The following BNC2 variants were observed in gnomAD, a reference collection of about 807,000 sequenced individuals.
BNC2 encodes zinc finger protein basonuclin-2.
A neutral mutation model predicts 76.3 loss-of-function variants in BNC2; 20 were observed. The ratio of observed to expected loss-of-function variants is 0.26; its 90% CI spans 0.18 to 0.38. BNC2 has a LOEUF of 0.38. Among genes scored for constraint, BNC2 ranks in the 10% least tolerant of loss-of-function variants. The pLI, the probability that BNC2 is intolerant of heterozygous loss-of-function variation, is 1.00. For missense variants in BNC2, 1,382 were observed against 1,399.8 expected, an observed-to-expected ratio of 0.99 and a Z score of 0.20; for synonymous variants, 582 against 514.8, an observed-to-expected ratio of 1.13 and a Z score of -1.77.
At chr9:16,670,686 G>A (rs1462519781) in intron 3 of BNC2, among the ~76,000 whole-genome samples, 1 of 152,152 alleles carries the variant, frequency 6.6e-6, no homozygotes, top group African/African-American at 2.4e-5. Flanking sequence ...TAAAATTATT[G>A]AAGGAAATGC....
intron 5 of BNC2, among the ~76,000 whole-genome samples, chr9:16,513,808 G>A (rs893196053): frequency 6.6e-6 from 1 of 152,104 alleles, no homozygotes; most frequent in Non-Finnish European, 1.5e-5. Context: ...GGGGATTAGA[G>A]CTACAGGTGA....
At chr9:16,725,841 C>T (rs1414222507) in intron 3 of BNC2, among the ~76,000 whole-genome samples, 2 of 152,178 alleles carry the variant, frequency 1.3e-5, no homozygotes, top group Non-Finnish European at 1.5e-5. Context: ...AGATTCAAAT[C>T]TACTTGGAAA....
chr9:16,846,244 G>A (rs998205635), intron 1 of BNC2, among the ~76,000 whole-genome samples: 4 of 151,990 alleles, frequency 2.6e-5, no homozygotes, highest in African/African-American at 7.2e-5. Flanking sequence ...ATGCTTCAAA[G>A]TAATACATTA....
rs1820609636 is a variant in BNC2 at position 16,417,481 on chromosome 9, A to G, written c.*1508T>C. On this transcript the variant is annotated 3_prime_UTR_variant, in exon 7 of 7. Transcript: ENST00000380672. ...AAACCCCCTTCTTCTGGCTTTTCAG[A>G]AAGGAGTGTTGCTCCATTCAAGTTT... 6.6e-6 allele frequency: 1 copy of G among 152,200 alleles called. No individual in the cohort carries two copies. The highest frequency in any genetic ancestry group is 2.4e-5 in the African/African-American group (1 of 41,458). 9.4% of individuals were successfully genotyped at this position (152,200 alleles called of 1,614,324 possible).
chr9:16,420,708 T>G lies in BNC2; in HGVS notation c.2640-1059A>C, dbSNP rs1183486310. Among the ~76,000 whole-genome samples, 4 of 151,416 alleles carry G rather than the reference T, an allele frequency of 2.6e-5. No homozygotes were observed. In the East Asian group the frequency reaches 7.8e-4, roughly 29 times the overall value. ...ATACACATATACATATTTTTTTACA[T>G]ATATATATATAAAGACAGGATTTGT... On this transcript the variant is annotated intron_variant, in intron 6 of 6. Coordinates refer to ENST00000380672, the MANE Select transcript of BNC2 (RefSeq NM_017637.6).
intron 3 of BNC2, among the ~76,000 whole-genome samples, chr9:16,710,285 A>G (rs1376067284): frequency 6.6e-6 from 1 of 152,236 alleles, no homozygotes; most frequent in Non-Finnish European, 1.5e-5. Context: ...ACATTCTTTC[A>G]GTCTTATGCT....
chr9:16,537,702 T>C (rs569493929), intron 5 of BNC2, among the ~76,000 whole-genome samples: 4 of 152,140 alleles, frequency 2.6e-5, no homozygotes, highest in African/African-American at 7.2e-5. Flanking sequence ...ACCAGACTCA[T>C]AGCAAGGCAT....
chr9:16,855,660 C>G (rs1819235786), intron 1 of BNC2, among the ~76,000 whole-genome samples: 1 of 152,108 alleles, frequency 6.6e-6, no homozygotes, highest in African/African-American at 2.4e-5. Flanking sequence ...GCCTCAGCCT[C>G]CCACGTAGCT....
intron 1 of BNC2, among the ~76,000 whole-genome samples, chr9:16,748,416 G>A (rs1427276874): frequency 6.6e-6 from 1 of 152,196 alleles, no homozygotes; most frequent in African/African-American, 2.4e-5. Flanking sequence ...CAGAGGCTGA[G>A]GTGGGAGGGT....
At chr9:16,506,932 A>G (rs553766791) in intron 5 of BNC2, among the ~76,000 whole-genome samples, 3 of 151,742 alleles carry the variant, frequency 2.0e-5, no homozygotes, top group Admixed American at 1.3e-4. Context: ...TTGTATTTTT[A>G]GTAAGAGACA....
chr9:16,752,716 C>T (rs1825257157), intron 1 of BNC2, among the ~76,000 whole-genome samples: 1 of 152,028 alleles, frequency 6.6e-6, no homozygotes, highest in African/African-American at 2.4e-5. Flanking sequence ...TAAACAAAAT[C>T]GCAACAATCT....
Position 16,552,559 on chromosome 9 carries a change from G to A in BNC2, c.640C>T (p.Arg214Trp), listed in dbSNP as rs1371140412. ...HILHGLGWTL[R>W]DYVRGYILQD... ...AGGATGTATCCTCGGACATAGTCCCGCAGAGTCCAGCCAAGGCCGTGCAGT... is the reference window on the plus strand; with the variant it reads ...AGGATGTATCCTCGGACATAGTCCCACAGAGTCCAGCCAAGGCCGTGCAGT... The change falls in exon 5 of 7, where the codon CGG becomes TGG. Residue 214 changes from arginine (R) to tryptophan (W), a missense_variant. Physicochemically the swap from Arg to Trp is moderately radical, Grantham distance 101. Coordinates refer to ENST00000380672, the MANE Select transcript of BNC2 (RefSeq NM_017637.6). 3.1e-6 allele frequency: 5 copies of A among 1,614,160 alleles called. No individual in the cohort carries two copies. Among genetic ancestry groups the A allele is most frequent in the East Asian group, 2.2e-5 (1 of 44,878 alleles).
At chr9:16,642,355 T>G (rs778212501) in intron 3 of BNC2, among the ~76,000 whole-genome samples, 1 of 152,188 alleles carries the variant, frequency 6.6e-6, no homozygotes, top group African/African-American at 2.4e-5. Flanking sequence ...CTAAGAAACA[T>G]CTCCAAAGTT....
intron 5 of BNC2, among the ~76,000 whole-genome samples, chr9:16,445,696 A>G (rs972618418): frequency 6.6e-6 from 1 of 152,174 alleles, no homozygotes; most frequent in Non-Finnish European, 1.5e-5. Flanking sequence ...ATGGGCAGAA[A>G]GAATGATTTC....
chr9:16,526,619 C>T (rs989090191), intron 5 of BNC2, among the ~76,000 whole-genome samples: 3 of 151,854 alleles, frequency 2.0e-5, no homozygotes, highest in Admixed American at 6.6e-5. Flanking sequence ...AAAAAGCAAT[C>T]GAAATGTTTT....
chr9:16,803,110 T>C (rs1563950245), intron 1 of BNC2, among the ~76,000 whole-genome samples: 1 of 152,174 alleles, frequency 6.6e-6, no homozygotes, highest in African/African-American at 2.4e-5. Context: ...CCTAAACATT[T>C]GGACTTGCAG....
intron 1 of BNC2, among the ~76,000 whole-genome samples, chr9:16,852,565 A>T (rs1435615741): frequency 6.6e-6 from 1 of 152,212 alleles, no homozygotes; most frequent in Non-Finnish European, 1.5e-5. Flanking sequence ...AGTAAGACAA[A>T]GGACCCTGTT....
chr9:16,544,592 T>G (rs1283403116), intron 5 of BNC2, among the ~76,000 whole-genome samples: 1 of 151,454 alleles, frequency 6.6e-6, no homozygotes, highest in Non-Finnish European at 1.5e-5. Flanking sequence ...CCGAGGTGAG[T>G]GGTTCACTTG....
At position 16,436,377 on chromosome 9, in the gene BNC2, G is replaced by C; in HGVS notation, c.1817C>G (p.Pro606Arg). The change falls in exon 6 of 7, where the codon CCG (proline) becomes CGG (arginine). Residue 606 changes from proline to arginine, a missense_variant. Around this residue, in one of 3 missense-constraint regions of BNC2, gnomAD observed 798 missense variants for 775.5 expected, o/e 1.03. Coordinates refer to ENST00000380672, the MANE Select transcript of BNC2 (RefSeq NM_017637.6). ...PTSGTIEQHP[P>R]PPSEPVVPAV... The stretch of plus-strand genomic sequence containing the variant: ...TGGCACTACTGGCTCAGAGGGTGGC[G>C]GGGGGTGCTGCTCTATGGTACCACT... The C allele has an allele frequency of 1.2e-6, 2 of 1,614,076 alleles. No homozygotes were observed.
Sources: allele counts gnomAD v4.1 joint callset (sites outside exome capture counted in the v4.1 genomes callset), GRCh38; gene constraint gnomAD v4.1.1; regional missense constraint gnomAD v4.1.1; transcripts MANE v1.5; gene names NCBI Gene and HGNC (gene_info 2026-07-23, HGNC 2026-07-21).